The following RAB3GAP2 variants were observed in gnomAD, a reference collection of about 807,000 sequenced individuals.
RAB3GAP2 encodes the protein rab3 GTPase-activating protein non-catalytic subunit.
Under a neutral mutation model 185.3 loss-of-function variants are expected in RAB3GAP2, and 87 were observed. The ratio of observed to expected loss-of-function variants is 0.47; its 90% CI spans 0.39 to 0.56. The LOEUF (loss-of-function observed/expected upper bound fraction) is 0.56, where lower values mean the gene tolerates loss of function less well. Among genes scored for constraint, RAB3GAP2 ranks in the 20% least tolerant of loss-of-function variants. The pLI is 0.00. For missense variants in RAB3GAP2, 1,492 were observed against 1,638.2 expected (o/e 0.91, Z 1.54); for synonymous variants, 554 against 576.1 (o/e 0.96, Z 0.55).
intron 1 of RAB3GAP2, among the ~76,000 whole-genome samples, chr1:220,249,928 T>C (rs1369085532): frequency 6.6e-6 from 1 of 152,148 alleles, no homozygotes; most frequent in Non-Finnish European, 1.5e-5. Context: ...TGGAGATGCC[T>C]GGATGTCCAA....
intron 9 of RAB3GAP2, chr1:220,200,496 A>G: frequency 2.1e-6 from 1 of 486,212 alleles, no homozygotes; most frequent in Non-Finnish European, 4.2e-6. Context: ...AATTAACCAG[A>G]CCTCTACATA....
chr1:220,245,179 T>C (rs1659777312), intron 1 of RAB3GAP2, among the ~76,000 whole-genome samples: 1 of 151,362 alleles, frequency 6.6e-6, no homozygotes, highest in African/African-American at 2.4e-5. Context: ...GATGGCCGAA[T>C]AGGAACAGCT....
intron 1 of RAB3GAP2, among the ~76,000 whole-genome samples, chr1:220,255,226 A>AAAC (rs149456965): frequency 1.3e-5 from 2 of 151,960 alleles, no homozygotes; most frequent in Non-Finnish European, 2.9e-5. Flanking sequence ...GAAAACCAGA[A>AAAC]AACAACAACA....
At chr1:220,265,854 G>A (rs528593174) in intron 1 of RAB3GAP2, 1 of 152,216 alleles carries the variant, frequency 6.6e-6, no homozygotes, top group East Asian at 2.0e-4. Flanking sequence ...GAATCCAGGA[G>A]TTTAAGGCTG....
intron 20 of RAB3GAP2, 148 bp from the exon 21 acceptor site, chr1:220,182,502 C>G: frequency 6.8e-7 from 1 of 1,464,566 alleles, no homozygotes; most frequent in African/African-American, 1.4e-5. Flanking sequence ...TTTATTAAAG[C>G]AGAAAGCAAA....
intron 27 of RAB3GAP2, 148 bp from the exon 28 acceptor site, chr1:220,162,416 A>G (rs1657980655): frequency 3.2e-6 from 2 of 629,304 alleles, no homozygotes; most frequent in South Asian, 4.2e-5. Flanking sequence ...AAGTTCATGA[A>G]ATCTTTAATT....
At chr1:220,170,775 T>C in intron 24 of RAB3GAP2, 117 bp downstream of exon 24, 2 of 882,972 alleles carry the variant, frequency 2.3e-6, no homozygotes, top group Non-Finnish European at 3.6e-6. Context: ...AGAAGGTTAT[T>C]GTTATTTTTA....
At chr1:220,163,338 T>A (rs2102854924) in intron 27 of RAB3GAP2, among the ~76,000 whole-genome samples, 1 of 152,008 alleles carries the variant, frequency 6.6e-6, no homozygotes, top group African/African-American at 2.4e-5. Context: ...CTTGAAGAAA[T>A]ACTAGTCTGA....
Position 220,188,939 on chromosome 1 carries a change from T to C in RAB3GAP2, c.1779+764A>G, listed in dbSNP as rs936551869. Among the ~76,000 whole-genome samples, 11 of 152,028 alleles carry C rather than the reference T, an allele frequency of 7.2e-5. 1 individual carries two copies. Among genetic ancestry groups the C allele is most frequent in the East Asian group, 5.8e-4 (3 of 5,182 alleles). ...GGAAAAACTAAAGTCACAGAAGACATAGGGCATGACTGCATTTATATAAAG... is the reference window on the plus strand; with the variant it reads ...GGAAAAACTAAAGTCACAGAAGACACAGGGCATGACTGCATTTATATAAAG... On this transcript the variant is annotated intron_variant, in intron 17 of 34. Coordinates refer to ENST00000358951, the MANE Select transcript of RAB3GAP2 (RefSeq NM_012414.4).
At chr1:220,163,769 A>ATATATATATG (rs1658011973) in intron 27 of RAB3GAP2, among the ~76,000 whole-genome samples, 1 of 146,530 alleles carries the variant, frequency 6.8e-6, no homozygotes, top group African/African-American at 2.5e-5. Context: ...ATATATATAT[A>ATATATATATG]TATAGGATGA....
chr1:220,206,094 C>T (rs947645267), intron 7 of RAB3GAP2, 88 bp from the exon 8 acceptor site: 2 of 831,172 alleles, frequency 2.4e-6, no homozygotes, highest in Non-Finnish European at 1.9e-6. Context: ...AATAATGTAA[C>T]ATAACCACCC....
In RAB3GAP2 at chr1:220,153,294, G is replaced by A; in HGVS notation, c.3758C>T (p.Pro1253Leu). The A allele has an allele frequency of 6.2e-7, 1 of 1,614,072 alleles. No homozygotes were observed. The highest frequency in any genetic ancestry group is 8.5e-7 in the Non-Finnish European group (1 of 1,179,954). The change falls in exon 33 of 35, where the codon CCA becomes CTA. Residue 1253 changes from proline to leucine, a missense_variant. By Grantham distance (98) the Pro-to-Leu change is moderately conservative. Around this residue, in one of 5 missense-constraint regions of RAB3GAP2, gnomAD observed 387 missense variants for 455.3 expected, o/e 0.85. Transcript: ENST00000358951. Reference sequence around the variant, plus strand: ...ATGGGCTAAATCCACAGCTAGAGCTGGCCAATCTTGGTCTTTCCCAAAAGG... The same window carrying A: ...ATGGGCTAAATCCACAGCTAGAGCTAGCCAATCTTGGTCTTTCCCAAAAGG... Reference protein sequence around the residue: ...PTPFGKDQDWPALAVDLAHHL... With the variant: ...PTPFGKDQDWLALAVDLAHHL...
intron 1 of RAB3GAP2, among the ~76,000 whole-genome samples, chr1:220,236,532 C>T (rs895836735): frequency 1.3e-5 from 2 of 152,094 alleles, no homozygotes; most frequent in African/African-American, 4.8e-5. Flanking sequence ...CTCCTATGTC[C>T]TATTGAAAAT....
chr1:220,239,140 A>G (rs547622007), intron 1 of RAB3GAP2, among the ~76,000 whole-genome samples: 29 of 152,236 alleles, frequency 1.9e-4, no homozygotes, highest in Non-Finnish European at 3.8e-4. Context: ...TTCAAAAGAA[A>G]TACAACAAAT....
At chr1:220,219,995 C>T (rs906829261) in intron 2 of RAB3GAP2, among the ~76,000 whole-genome samples, 1 of 152,168 alleles carries the variant, frequency 6.6e-6, no homozygotes, top group Non-Finnish European at 1.5e-5. Context: ...AAAACTTCCC[C>T]AATAATGGGG....
chr1:220,259,638 C>A (rs1229979097), intron 1 of RAB3GAP2, among the ~76,000 whole-genome samples: 1 of 152,112 alleles, frequency 6.6e-6, no homozygotes, highest in Non-Finnish European at 1.5e-5. Flanking sequence ...ACTATAAAAA[C>A]CCTAGAAGAA....
chr1:220,194,183 T>C (rs1658679033), intron 12 of RAB3GAP2, among the ~76,000 whole-genome samples: 1 of 150,996 alleles, frequency 6.6e-6, no homozygotes, highest in Non-Finnish European at 1.5e-5. Context: ...TATTAGGTAA[T>C]AAAAAATGAT....
rs776837900 is a variant in RAB3GAP2 at position 220,151,374 on chromosome 1, T to G, written c.4059A>C (p.Pro1353=). The change falls in exon 35 of 35, where the codon CCA becomes CCC. Residue 1353 remains proline (P), a synonymous_variant. Coordinates refer to ENST00000358951, the MANE Select transcript of RAB3GAP2 (RefSeq NM_012414.4). ...TTACTAGTTTAGCTGTTGTTGCAAT[T>G]GGCACTTCAGTGTTTTGAAGGTCCT... ...DPQDLQNTEV[P]IATTAKLVNK... 8 of 1,614,074 alleles carry G rather than the reference T, an allele frequency of 5.0e-6. No homozygotes were observed. The Admixed American group carries it at 5.0e-5, about 10-fold the overall frequency.
At chr1:220,262,848 T>C (rs1263195781) in intron 1 of RAB3GAP2, among the ~76,000 whole-genome samples, 1 of 152,228 alleles carries the variant, frequency 6.6e-6, no homozygotes, top group Non-Finnish European at 1.5e-5. Flanking sequence ...TGCTGGATCA[T>C]ATAATTTTTT....
Sources: allele counts gnomAD v4.1 joint callset (sites outside exome capture counted in the v4.1 genomes callset), GRCh38; gene constraint gnomAD v4.1.1; regional missense constraint gnomAD v4.1.1; transcripts MANE v1.5; gene names NCBI Gene and HGNC (gene_info 2026-07-23, HGNC 2026-07-21).